Variants in DCTN4 observed in about 807,000 individuals in gnomAD.
DCTN4 encodes the protein dynactin subunit 4.
Under a neutral mutation model 62.7 loss-of-function variants are expected in DCTN4, and 23 were observed. The ratio of observed to expected loss-of-function variants is 0.37; its 90% confidence interval spans 0.26 to 0.52. DCTN4 has a LOEUF of 0.52. Ranked by LOEUF, DCTN4 falls within the 20% of genes least tolerant of loss-of-function variation. DCTN4 has a pLI of 0.92. For missense variants in DCTN4, 514 were observed against 580.4 expected (o/e 0.89, Z 1.18); for synonymous variants, 199 against 202.1 (o/e 0.98, Z 0.13).
At chr5:150,753,215 T>C (rs1212634706) in intron 3 of DCTN4, among the ~76,000 whole-genome samples, 1 of 152,236 alleles carries the variant, frequency 6.6e-6, no homozygotes, top group African/African-American at 2.4e-5. Flanking sequence ...TTATTTTTCA[T>C]GAAGAGCATT....
Position 150,709,919 on chromosome 5 carries a change from T to C in DCTN4, c.*1230A>G, listed in dbSNP as rs1561683543. ...GCAGCTGGTGGTCTACTTTATCAAG[T>C]TTCATTTTAGAAAACATCATAGAAA... On this transcript the variant is annotated 3_prime_UTR_variant, in exon 13 of 13. Transcript: ENST00000447998. 1 of 152,356 alleles carries C rather than the reference T, an allele frequency of 6.6e-6. No homozygotes were observed. Among genetic ancestry groups the C allele is most frequent in the Admixed American group, 6.5e-5 (1 of 15,278 alleles). The allele number at this position is 152,356 out of a possible 1,614,324, so 9.4% of individuals were successfully genotyped here. A position where few individuals can be genotyped will look rare whatever the true frequency, so the allele number is the denominator to read the frequency against.
chr5:150,740,604 G>A (rs921989141), intron 4 of DCTN4, among the ~76,000 whole-genome samples: 1 of 152,136 alleles, frequency 6.6e-6, no homozygotes, highest in Non-Finnish European at 1.5e-5. Context: ...TTGCCTGCAC[G>A]TTTATAGCAG....
In DCTN4 at chr5:150,709,900, G is replaced by A. The variant is rs1759497834; in HGVS notation, c.*1249C>T. 6.6e-6 allele frequency: 1 copy of A among 152,286 alleles called. No homozygotes were observed. Among genetic ancestry groups the A allele is most frequent in the African/African-American group, 2.4e-5 (1 of 41,428 alleles). The allele number at this position is 152,286 out of a possible 1,614,324, so 9.4% of individuals were successfully genotyped here. On this transcript the variant is annotated 3_prime_UTR_variant, in exon 13 of 13. Coordinates refer to ENST00000447998, the MANE Select transcript of DCTN4 (RefSeq NM_016221.4). ...CTTTTACAGAAAACACGGTGCAGCT[G>A]GTGGTCTACTTTATCAAGTTTCATT... is the stretch of plus-strand genomic sequence containing the variant.
chr5:150,733,503 CA>C, intron 4 of DCTN4, 28 bp from the exon 5 acceptor site: 3 of 1,541,934 alleles, frequency 1.9e-6, no homozygotes, highest in Non-Finnish European at 2.7e-6. Context: ...ACTCAGTACA[CA>C]AAAAAGCTAA....
chr5:150,757,229 G>C (rs1015544986), intron 1 of DCTN4, among the ~76,000 whole-genome samples: 2 of 152,146 alleles, frequency 1.3e-5, no homozygotes, highest in Non-Finnish European at 2.9e-5. Flanking sequence ...AATTTGAAAA[G>C]ATTAATAAAG....
At chr5:150,713,420 C>T (rs1354649814) in intron 12 of DCTN4, among the ~76,000 whole-genome samples, 2 of 151,626 alleles carry the variant, frequency 1.3e-5, no homozygotes. Context: ...TCACCTTTGC[C>T]TTCACTTTAT....
intron 10 of DCTN4, 41 bp downstream of exon 10, chr5:150,719,674 TG>T: frequency 6.9e-7 from 1 of 1,439,012 alleles, no homozygotes; most frequent in African/African-American, 1.4e-5. Flanking sequence ...CACACATCAT[TG>T]ATCAATCCTT....
intron 8 of DCTN4, among the ~76,000 whole-genome samples, chr5:150,724,883 C>T (rs1013820670): frequency 2.0e-5 from 3 of 152,106 alleles, no homozygotes; most frequent in Non-Finnish European, 4.4e-5. Context: ...CCAGGCTGGG[C>T]GCAGTGGCTC....
intron 3 of DCTN4, among the ~76,000 whole-genome samples, chr5:150,751,737 T>C (rs1752684078): frequency 6.6e-6 from 1 of 151,430 alleles, no homozygotes; most frequent in South Asian, 2.1e-4. Flanking sequence ...GATATACTTA[T>C]TTAACTTTCT....
At position 150,710,606 on chromosome 5, in the gene DCTN4, G is replaced by A. The variant is rs77257224; in HGVS notation, c.*543C>T. The A allele has an allele frequency of 3.2e-3, 491 of 154,760 alleles. 17 individuals carry two copies. The East Asian group carries it at 0.08, about 25-fold the overall frequency. The allele number at this position is 154,760 out of a possible 1,614,324, so 9.6% of individuals were successfully genotyped here. A position where few individuals can be genotyped will look rare whatever the true frequency, so the allele number is the denominator to read the frequency against. On this transcript the variant is annotated 3_prime_UTR_variant, in exon 13 of 13. Coordinates refer to ENST00000447998, the MANE Select transcript of DCTN4 (RefSeq NM_016221.4). ...ATACTAAAGATAAAGTGACAATTCA[G>A]TTTTTCAGTTATATGGAAATCTATG...
chr5:150,731,208 G>A (rs754977483), intron 6 of DCTN4, 52 bp from the exon 7 acceptor site: 12 of 1,244,236 alleles, frequency 9.6e-6, no homozygotes, highest in Admixed American at 3.5e-5. Context: ...AATTTCTCAC[G>A]GATCCACCTG....
At chr5:150,723,039 T>C (rs1210742099) in intron 8 of DCTN4, 59 bp from the exon 9 acceptor site, 16 of 1,243,242 alleles carry the variant, frequency 1.3e-5, no homozygotes, top group South Asian at 2.6e-5. Flanking sequence ...TGTTGATCCA[T>C]AGAGCTGCTA....
chr5:150,738,840 T>G (rs1039903752), intron 4 of DCTN4, among the ~76,000 whole-genome samples: 1 of 152,192 alleles, frequency 6.6e-6, no homozygotes, highest in Admixed American at 6.5e-5. Context: ...GCCAATGATA[T>G]GATCGTATGC....
Position 150,710,727 on chromosome 5 carries a change from A to G in DCTN4, c.*422T>C. 1 of 197,248 alleles carries G rather than the reference A, an allele frequency of 5.1e-6. No individual in the cohort carries two copies. Among genetic ancestry groups the G allele is most frequent in the Non-Finnish European group, 1.1e-5 (1 of 93,772 alleles). 12.2% of individuals were successfully genotyped at this position (197,248 alleles called of 1,614,324 possible). A position where few individuals can be genotyped will look rare whatever the true frequency, so the allele number is the denominator to read the frequency against. ...GAAAGCAGTTGGTACATTGTGACCA[A>G]TGCTGGATCATTAACAGCAGGTCTA... On this transcript the variant is annotated 3_prime_UTR_variant, in exon 13 of 13. Coordinates refer to ENST00000447998, the MANE Select transcript of DCTN4 (RefSeq NM_016221.4).
intron 8 of DCTN4, among the ~76,000 whole-genome samples, chr5:150,725,608 A>G (rs921870658): frequency 6.6e-6 from 1 of 151,864 alleles, no homozygotes; most frequent in Admixed American, 6.6e-5. Flanking sequence ...TAATCTTTTA[A>G]TATTTCTTCT....
rs1251638766 is a variant in DCTN4, at chr5:150,710,248, C to G, written c.*901G>C. The G allele has an allele frequency of 6.6e-6, 1 of 152,340 alleles. No individual in the cohort carries two copies. The highest frequency in any genetic ancestry group is 2.4e-5 in the African/African-American group (1 of 41,450). The allele number at this position is 152,340 out of a possible 1,614,324, so 9.4% of individuals were successfully genotyped here. ...CATTCCAGAAATGAACCTGTCCACT[C>G]AGGTTTTCTTTGGGTTCTTTTCCAG... On this transcript the variant is annotated 3_prime_UTR_variant, in exon 13 of 13. Transcript: ENST00000447998.
chr5:150,712,233 G>A (rs747174477), intron 12 of DCTN4, among the ~76,000 whole-genome samples: 5 of 152,008 alleles, frequency 3.3e-5, no homozygotes, highest in African/African-American at 7.2e-5. Flanking sequence ...GGGTTCCAGC[G>A]ATTCTCCTGC....
At position 150,708,548 on chromosome 5, in the gene DCTN4, T is replaced by C. The variant is rs1759453800; in HGVS notation, c.*2601A>G. ...TTTATATAATGGTTCTGTGAATATG[T>C]ATATAAGAAGCTCAAAGCAACATCT... On this transcript the variant is annotated 3_prime_UTR_variant, in exon 13 of 13. Transcript: ENST00000447998. 1 of 152,640 alleles carries C rather than the reference T, an allele frequency of 6.6e-6. No individual in the cohort carries two copies. Among genetic ancestry groups the C allele is most frequent in the South Asian group, 2.1e-4 (1 of 4,832 alleles). 9.5% of individuals were successfully genotyped at this position (152,640 alleles called of 1,614,324 possible).
chr5:150,717,659 C>A (rs755604744), intron 11 of DCTN4, among the ~76,000 whole-genome samples: 76 of 152,114 alleles, frequency 5.0e-4, no homozygotes, highest in Non-Finnish European at 8.5e-4. Context: ...TGATATTTCA[C>A]AAGTGTTGAA....
Sources: allele counts gnomAD v4.1 joint callset (sites outside exome capture counted in the v4.1 genomes callset), GRCh38; gene constraint gnomAD v4.1.1; transcripts MANE v1.5; gene names NCBI Gene and HGNC (gene_info 2026-07-23, HGNC 2026-07-21).